The following RUFY3 variants were observed in gnomAD, a reference collection of about 807,000 sequenced individuals.
RUFY3 encodes the protein RUN and FYVE domain containing 3.
In RUFY3, 34 loss-of-function variants were observed where a neutral mutation model predicts 84.0. The observed-to-expected ratio is 0.40, with a 90% CI of 0.31 to 0.54. The LOEUF (loss-of-function observed/expected upper bound fraction) is 0.54. Among genes scored for constraint, RUFY3 ranks in the 20% least tolerant of loss-of-function variants. RUFY3 has a pLI of 0.39. For missense variants in RUFY3, 507 were observed against 736.8 expected (o/e 0.69, Z 3.61); for synonymous variants, 242 against 252.9 (o/e 0.96, Z 0.41).
chr4:70,781,877 CT>C (rs1242452753), intron 8 of RUFY3, among the ~76,000 whole-genome samples: 1 of 152,204 alleles, frequency 6.6e-6, no homozygotes, highest in African/African-American at 2.4e-5. Context: ...CCTTCACATT[CT>C]CCGGGAGTTT....
Position 70,783,137 on chromosome 4 carries a change from A to C in RUFY3, c.941A>C (p.Glu314Ala). The change falls in exon 9 of 18, where the codon GAA becomes GCA. Residue 314 changes from glutamate to alanine, a missense_variant. Coordinates refer to ENST00000381006, the MANE Select transcript of RUFY3 (RefSeq NM_001037442.4). The part of the protein sequence containing the change: ...NRIITLQEEM[E>A]RVKEESSYIL... ...ATCATTACCTTACAAGAAGAAATGG[A>C]ACGAGTTAAAGAGGAAAGTTCCTAC... 1.9e-6 allele frequency: 3 copies of C among 1,612,170 alleles called. No individual in the cohort carries two copies. The highest frequency in any genetic ancestry group is 2.5e-6 in the Non-Finnish European group (3 of 1,178,712).
Position 70,808,385 on chromosome 4 carries a change from G to A in RUFY3, c.*1726G>A, listed in dbSNP as rs1035915020. ...TTACATAATATTTTGATTCTGTTACGTGTGTCTATAGATTGTTTCATTCTA... is the reference window on the plus strand; with the variant it reads ...TTACATAATATTTTGATTCTGTTACATGTGTCTATAGATTGTTTCATTCTA... On this transcript the variant is annotated 3_prime_UTR_variant, in exon 18 of 18. Transcript: ENST00000381006. Among the ~76,000 whole-genome samples, 4 of 152,184 alleles carry A rather than the reference G, an allele frequency of 2.6e-5. No homozygotes were observed. Among genetic ancestry groups the A allele is most frequent in the East Asian group, 1.9e-4 (1 of 5,200 alleles).
intron 1 of RUFY3, among the ~76,000 whole-genome samples, chr4:70,731,534 A>T (rs1719276816): frequency 6.6e-6 from 1 of 152,140 alleles, no homozygotes; most frequent in South Asian, 2.1e-4. Context: ...TAGCTTTCTG[A>T]AGCAGATGTA....
intron 1 of RUFY3, among the ~76,000 whole-genome samples, chr4:70,731,966 C>T (rs1325867196): frequency 8.5e-5 from 13 of 152,146 alleles, no homozygotes; most frequent in Non-Finnish European, 1.9e-4. Flanking sequence ...ATTCTCATGC[C>T]CTTCTTTGGA....
At chr4:70,727,621 G>A (rs1399913159) in intron 1 of RUFY3, among the ~76,000 whole-genome samples, 1 of 151,428 alleles carries the variant, frequency 6.6e-6, no homozygotes, top group Non-Finnish European at 1.5e-5. Flanking sequence ...CTCCCAAAGT[G>A]CTGGGATTAC....
chr4:70,729,415 C>CCA (rs1718840618), intron 1 of RUFY3, among the ~76,000 whole-genome samples: 2 of 152,058 alleles, frequency 1.3e-5, no homozygotes, highest in African/African-American at 4.8e-5. Flanking sequence ...TACCACCACA[C>CCA]CCAGCTAATT....
In RUFY3 at chr4:70,729,450, G is replaced by A. The variant is rs1053772340; in HGVS notation, c.178+6699G>A. 1.4e-4 allele frequency among the ~76,000 whole-genome samples: 21 copies of A among 152,134 alleles called. 1 individual carries two copies. Among genetic ancestry groups the A allele is most frequent in the Admixed American group, 1.4e-3 (21 of 15,292 alleles). On this transcript the variant is annotated intron_variant, in intron 1 of 17. Coordinates refer to ENST00000381006, the MANE Select transcript of RUFY3 (RefSeq NM_001037442.4). ...TTTTTGTATTTTTAGTAGAGACGAGGTTTCCCCATGTTGGCCAGGCTGGTC... is the reference window on the plus strand; with the variant it reads ...TTTTTGTATTTTTAGTAGAGACGAGATTTCCCCATGTTGGCCAGGCTGGTC...
intron 1 of RUFY3, among the ~76,000 whole-genome samples, chr4:70,732,648 A>C (rs1719465869): frequency 6.6e-6 from 1 of 152,086 alleles, no homozygotes; most frequent in South Asian, 2.1e-4. Flanking sequence ...TGAGCAAGCT[A>C]TCACAAGGAC....
At chr4:70,749,566 C>T (rs1260417791) in intron 1 of RUFY3, among the ~76,000 whole-genome samples, 4 of 147,304 alleles carry the variant, frequency 2.7e-5, no homozygotes, top group Admixed American at 1.4e-4. Context: ...GAAGAAACTA[C>T]ACTAGTTTCT....
chr4:70,754,453 C>T (rs536419981), intron 1 of RUFY3, among the ~76,000 whole-genome samples: 21 of 151,712 alleles, frequency 1.4e-4, no homozygotes, highest in South Asian at 8.4e-4. Flanking sequence ...ATACCTGAGA[C>T]GCCATTAAGA....
intron 1 of RUFY3, among the ~76,000 whole-genome samples, chr4:70,738,107 C>G (rs1385160458): frequency 6.6e-6 from 1 of 151,006 alleles, no homozygotes; most frequent in African/African-American, 2.5e-5. Context: ...CCTTGGCCTC[C>G]CAAGTAGCTG....
chr4:70,722,507 T>A lies in RUFY3; in HGVS notation c.-67T>A. Reference sequence around the variant, plus strand: ...TTTTTTGGTGAGGAGGTTGTATTTATTTTTTTGGTGTGTGTGTGTGAGTGT... The same window carrying A: ...TTTTTTGGTGAGGAGGTTGTATTTAATTTTTTGGTGTGTGTGTGTGAGTGT... On this transcript the variant is annotated 5_prime_UTR_variant, in exon 1 of 18. Transcript: ENST00000381006. 6.9e-7 allele frequency: 1 copy of A among 1,459,346 alleles called. No homozygotes were observed. 90.4% of individuals were successfully genotyped at this position (1,459,346 alleles called of 1,614,324 possible).
At chr4:70,784,026 G>A (rs1729364866) in intron 9 of RUFY3, among the ~76,000 whole-genome samples, 1 of 152,190 alleles carries the variant, frequency 6.6e-6, no homozygotes, top group Non-Finnish European at 1.5e-5. Flanking sequence ...GGGGACAAAA[G>A]CAGTTTTCCA....
intron 1 of RUFY3, chr4:70,734,661 C>T: frequency 1.5e-6 from 1 of 655,036 alleles, no homozygotes; most frequent in Non-Finnish European, 1.9e-6. Flanking sequence ...ATATCAGTAG[C>T]TCTGTACTTG....
chr4:70,717,111 T>C (rs1351348012), upstream of RUFY3, among the ~76,000 whole-genome samples: 6 of 152,176 alleles, frequency 3.9e-5, no homozygotes, highest in East Asian at 1.9e-4. Context: ...ATTTCTCCAG[T>C]TGAGCAAGGG....
At chr4:70,715,736 T>C (rs968101271) in intron 1 of RUFY3, among the ~76,000 whole-genome samples, 6 of 152,296 alleles carry the variant, frequency 3.9e-5, no homozygotes, top group African/African-American at 1.4e-4. Context: ...ACAAATTTAG[T>C]TGCACAACTT....
chr4:70,736,746 A>AT (rs1407942072), intron 1 of RUFY3, among the ~76,000 whole-genome samples: 1 of 151,676 alleles, frequency 6.6e-6, no homozygotes, highest in Non-Finnish European at 1.5e-5. Context: ...TAATTTTTGT[A>AT]TTTTCAGTAG....
intron 1 of RUFY3, among the ~76,000 whole-genome samples, chr4:70,750,493 C>A (rs189642424): frequency 4.5e-4 from 69 of 152,150 alleles, no homozygotes; most frequent in African/African-American, 1.5e-3. Flanking sequence ...ATTATTATGT[C>A]TAAAAACTTT....
At chr4:70,778,472 A>C in intron 8 of RUFY3, 34 bp downstream of exon 8, 1 of 1,170,958 alleles carries the variant, frequency 8.5e-7, no homozygotes. Flanking sequence ...TGACTTATAG[A>C]ATTTAATATG....
Sources: allele counts gnomAD v4.1 joint callset (sites outside exome capture counted in the v4.1 genomes callset), GRCh38; gene constraint gnomAD v4.1.1; transcripts MANE v1.5; gene names NCBI Gene and HGNC (gene_info 2026-07-23, HGNC 2026-07-21).